The following CHPF variants were observed in gnomAD, a reference collection of about 807,000 sequenced individuals.
CHPF encodes the protein chondroitin polymerizing factor, non-catalytic subunit.
In CHPF, 34 loss-of-function variants were observed where a neutral mutation model predicts 55.1. The ratio of observed to expected loss-of-function variants is 0.62; its 90% CI spans 0.47 to 0.82. CHPF has a LOEUF of 0.82. Among genes scored for constraint, CHPF ranks in the 40% least tolerant of loss-of-function variants. The pLI is 0.00. For synonymous variants in CHPF, 489 were observed against 496.6 expected (o/e 0.98, Z 0.20); for missense variants, 961 against 1,106.1 (o/e 0.87, Z 1.86).
chr2:219,542,396 T>C (rs1695295685), intron 1 of CHPF, among the ~76,000 whole-genome samples: 1 of 152,162 alleles, frequency 6.6e-6, no homozygotes, highest in Non-Finnish European at 1.5e-5. Flanking sequence ...ATTTGGGAGA[T>C]GGCAATACCC....
chr2:219,540,484 T>C lies in CHPF; in HGVS notation c.1227A>G (p.Ser409=). ...EQHAFSCADG[S]PRCPLRGADR... ...CAGCCCCACGCAGTGGGCAGCGGGG[T>C]GAGCCATCGGCGCAGGAGAAAGCGT... is the stretch of plus-strand genomic sequence containing the variant. The change falls in exon 4 of 4, where the codon TCA becomes TCG. Residue 409 remains serine, a synonymous_variant. Coordinates refer to ENST00000243776, the MANE Select transcript of CHPF (RefSeq NM_024536.6). 6.2e-7 allele frequency: 1 copy of C among 1,613,476 alleles called. No individual in the cohort carries two copies. The highest frequency in any genetic ancestry group is 8.5e-7 in the Non-Finnish European group (1 of 1,179,904).
rs1160095268 is a variant in CHPF, at chr2:219,543,258, G to A, written c.281C>T (p.Ala94Val). Residue 94 changes from alanine (A) to valine (V), a missense_variant, in exon 1 of 4, where the codon GCA becomes GTA. Physicochemically the swap from Ala to Val is moderately conservative, Grantham distance 64. Around this residue, in one of 3 missense-constraint regions of CHPF, gnomAD observed 936 missense variants for 1,058.4 expected, o/e 0.88. Coordinates refer to ENST00000243776, the MANE Select transcript of CHPF (RefSeq NM_024536.6). The part of the protein sequence containing the change: ...WEPRVLPYHP[A>V]QPGQAAKKAV... ...CTTTTTGGCGGCCTGGCCGGGCTGT[G>A]CAGGGTGGTAGGGCAAGACGCGCGG... 1.3e-6 allele frequency: 2 copies of A among 1,572,332 alleles called. No individual in the cohort carries two copies. Among genetic ancestry groups the A allele is most frequent in the East Asian group, 2.5e-5 (1 of 40,764 alleles).
rs1249228951 is a variant in CHPF, at chr2:219,543,542, G to T, written c.-4C>A. The T allele has an allele frequency of 1.5e-6, 2 of 1,329,724 alleles. No homozygotes were observed. The highest frequency in any genetic ancestry group is 3.1e-5 in the African/African-American group (2 of 64,882). The allele number at this position is 1,329,724 out of a possible 1,614,324, so 82.4% of individuals were successfully genotyped here. On this transcript the variant is annotated 5_prime_UTR_variant, in exon 1 of 4. Coordinates refer to ENST00000243776, the MANE Select transcript of CHPF (RefSeq NM_024536.6). ...ACAGCAGCAGCGATGCCCGCATGGC[G>T]CCCGGACCGCGGGTCCCCGGCCCCG...
At chr2:219,541,216 G>T in intron 2 of CHPF, 91 bp from the exon 3 acceptor site, 1 of 1,250,366 alleles carries the variant, frequency 8.0e-7, no homozygotes, top group Non-Finnish European at 1.1e-6. Context: ...CCTATGACCT[G>T]TTGTGGACTT....
rs555212430 is a variant in CHPF, at chr2:219,543,693, C to T, written c.-155G>A. On this transcript the variant is annotated 5_prime_UTR_variant, in exon 1 of 4. Transcript: ENST00000243776. ...CGCAGAGCAGAGCCAGCGGCCCGAG[C>T]CGAATCCCCGGAGCCGCGCCTCGAT... 161 of 488,640 alleles carry T rather than the reference C, an allele frequency of 3.3e-4. No homozygotes were observed. Among genetic ancestry groups the T allele is most frequent in the Non-Finnish European group, 5.2e-4 (154 of 298,886 alleles). 30.3% of individuals were successfully genotyped at this position (488,640 alleles called of 1,614,324 possible).
Position 219,543,709 on chromosome 2 carries a change from G to A in CHPF, c.-171C>T, listed in dbSNP as rs1254187516. 4.4e-6 allele frequency: 2 copies of A among 449,552 alleles called. No individual in the cohort carries two copies. The highest frequency in any genetic ancestry group is 3.8e-6 in the Non-Finnish European group (1 of 265,422). The allele number at this position is 449,552 out of a possible 1,614,324, so 27.8% of individuals were successfully genotyped here. A position where few individuals can be genotyped will look rare whatever the true frequency, so the allele number is the denominator to read the frequency against. ...CGGCCCGAGCCGAATCCCCGGAGCCGCGCCTCGATTCCCCTCCAGCAGCTG... is the reference window on the plus strand; with the variant it reads ...CGGCCCGAGCCGAATCCCCGGAGCCACGCCTCGATTCCCCTCCAGCAGCTG... On this transcript the variant is annotated 5_prime_UTR_variant, in exon 1 of 4. Coordinates refer to ENST00000243776, the MANE Select transcript of CHPF (RefSeq NM_024536.6).
chr2:219,543,056 A>T, intron 1 of CHPF, 169 bp downstream of exon 1: 10 of 1,360,106 alleles, frequency 7.4e-6, no homozygotes, highest in Non-Finnish European at 9.4e-6. Flanking sequence ...AAAGTCTCGG[A>T]CTGGCCCCAC....
chr2:219,539,216 G>T lies in CHPF; in HGVS notation c.*167C>A. The T allele has an allele frequency of 1.5e-6, 1 of 659,570 alleles. No individual in the cohort carries two copies. The highest frequency in any genetic ancestry group is 2.5e-6 in the Non-Finnish European group (1 of 394,506). The allele number at this position is 659,570 out of a possible 1,614,324, so 40.9% of individuals were successfully genotyped here. ...TGGCTCTGGGGGCACGTCCCCCAGT[G>T]CTTGTCCAGAGCCCAGGGACCCACA... On this transcript the variant is annotated 3_prime_UTR_variant, in exon 4 of 4. Transcript: ENST00000243776.
chr2:219,541,596 G>A lies in CHPF; in HGVS notation c.888+20C>T, dbSNP rs780357745. The A allele has an allele frequency of 2.6e-6, 4 of 1,530,830 alleles. No homozygotes were observed. The South Asian group carries it at 3.8e-5, about 14-fold the overall frequency. The allele number at this position is 1,530,830 out of a possible 1,614,324, so 94.8% of individuals were successfully genotyped here. ...TTGAACATGACAAGGAGGTATCAGT[G>A]GGATAGCTTATCATCCCACCTCGTG... On this transcript the variant is annotated intron_variant, in intron 2 of 3. Transcript: ENST00000243776.
At position 219,540,288 on chromosome 2, in the gene CHPF, G is replaced by T. The variant is rs538123825; in HGVS notation, c.1423C>A (p.Gln475Lys). The change falls in exon 4 of 4, where the codon CAG (glutamine) becomes AAG (lysine). Residue 475 changes from glutamine to lysine, a missense_variant. Coordinates refer to ENST00000243776, the MANE Select transcript of CHPF (RefSeq NM_024536.6). ...LDLQLEALTP[Q>K]GGRRPLTRRV... ...CGAGTGAGGGGCCGGCGGCCTCCCT[G>T]GGGGGTCAGTGCCTCCAGCTGCAAG... The T allele has an allele frequency of 5.8e-5, 93 of 1,613,832 alleles. No individual in the cohort carries two copies. The East Asian group carries it at 2.0e-3, about 34-fold the overall frequency.
At chr2:219,542,962 G>A in intron 1 of CHPF, 1 of 1,282,832 alleles carries the variant, frequency 7.8e-7, no homozygotes, top group South Asian at 2.6e-5. Context: ...CAGGGAGCTA[G>A]TAGGATCTCT....
chr2:219,540,377 T>C lies in CHPF; in HGVS notation c.1334A>G (p.Lys445Arg), dbSNP rs765355562. 5.0e-6 allele frequency: 8 copies of C among 1,613,918 alleles called. No homozygotes were observed. The highest frequency in any genetic ancestry group is 2.5e-6 in the Non-Finnish European group (3 of 1,180,000). The change falls in exon 4 of 4, where the codon AAG becomes AGG. Residue 445 changes from lysine to arginine, a missense_variant. By Grantham distance (26) the Lys-to-Arg change is conservative. This residue lies in a region of CHPF where 936 missense variants were observed against 1,058.4 expected (regional missense o/e 0.88). Coordinates refer to ENST00000243776, the MANE Select transcript of CHPF (RefSeq NM_024536.6). Reference protein sequence around the residue: ...RRYHPALRLQKQQLVNGYRRF... With the variant: ...RRYHPALRLQRQQLVNGYRRF... Reference sequence around the variant, plus strand: ...TCGGTAGCCATTCACCAGCTGCTGCTTCTGGAGCCGCAAGGCCGGGTGGTA... The same window carrying C: ...TCGGTAGCCATTCACCAGCTGCTGCCTCTGGAGCCGCAAGGCCGGGTGGTA...
chr2:219,543,481 TGCCCAC>T lies in CHPF; in HGVS notation c.52_57del (p.Val18_Gly19del). 7.1e-7 allele frequency: 1 copy of T among 1,412,598 alleles called. No individual in the cohort carries two copies. The highest frequency in any genetic ancestry group is 9.2e-7 in the Non-Finnish European group (1 of 1,089,234). The allele number at this position is 1,412,598 out of a possible 1,614,324, so 87.5% of individuals were successfully genotyped here. A position where few individuals can be genotyped will look rare whatever the true frequency, so the allele number is the denominator to read the frequency against. ...AGGCTCAGGGTGAAGCCCAGGGAGA[TGCCCAC>T]GGCCACGGGCCCTGCGGGCCGCAGC... On this transcript the variant is annotated inframe_deletion, in exon 1 of 4. Transcript: ENST00000243776.
At position 219,541,951 on chromosome 2, in the gene CHPF, G is replaced by A; in HGVS notation, c.553C>T (p.Leu185=). 1 of 1,612,708 alleles carries A rather than the reference G, an allele frequency of 6.2e-7. No individual in the cohort carries two copies. Among genetic ancestry groups the A allele is most frequent in the Non-Finnish European group, 8.5e-7 (1 of 1,179,468 alleles). ...TCAAAGTCGTCGCCGTGCTGCTCCA[G>A]CAGGTGGCGCAGCGCCAGGTGCAGG... ...GHLHLALRHL[L]EQHGDDFDWF... Residue 185 remains leucine, a synonymous_variant, in exon 2 of 4, where the codon CTG becomes TTG. Coordinates refer to ENST00000243776, the MANE Select transcript of CHPF (RefSeq NM_024536.6).
In CHPF at chr2:219,540,600, G is replaced by T; in HGVS notation, c.1111C>A (p.Gln371Lys). 1 of 1,609,434 alleles carries T rather than the reference G, an allele frequency of 6.2e-7. No individual in the cohort carries two copies. The change falls in exon 4 of 4, where the codon CAG (glutamine) becomes AAG (lysine). Residue 371 changes from glutamine to lysine, a missense_variant. Around this residue, in one of 3 missense-constraint regions of CHPF, gnomAD observed 936 missense variants for 1,058.4 expected, o/e 0.88. Transcript: ENST00000243776. ...ATACCCACGGGCCAAGCAGCTGCCT[G>T]GTCCCCATCAACGGCCAGATGGCTG... The part of the protein sequence containing the change: ...NTSHLAVDGD[Q>K]AAAWPVGIPA...
chr2:219,542,406 C>G (rs1445531756), intron 1 of CHPF, among the ~76,000 whole-genome samples: 2 of 152,154 alleles, frequency 1.3e-5, no homozygotes, highest in Non-Finnish European at 2.9e-5. Context: ...TGGCAATACC[C>G]ACCCAGATAG....
At position 219,539,316 on chromosome 2, in the gene CHPF, GCT is replaced by G. The variant is rs1466989283; in HGVS notation, c.*65_*66del. On this transcript the variant is annotated 3_prime_UTR_variant, in exon 4 of 4. Coordinates refer to ENST00000243776, the MANE Select transcript of CHPF (RefSeq NM_024536.6). ...CCCTGCCCAGCGAGGCTGGCAGGTG[GCT>G]CTGGTTTTGGGGGAGAAGTGGGGTG... 11 of 1,465,322 alleles carry G rather than the reference GCT, an allele frequency of 7.5e-6. No homozygotes were observed. The African/African-American group carries it at 1.5e-4, about 21-fold the overall frequency. 90.8% of individuals were successfully genotyped at this position (1,465,322 alleles called of 1,614,324 possible). A position where few individuals can be genotyped will look rare whatever the true frequency, so the allele number is the denominator to read the frequency against.
At position 219,539,721 on chromosome 2, in the gene CHPF, G is replaced by A. The variant is rs776333654; in HGVS notation, c.1990C>T (p.Arg664Cys). 13 of 1,613,400 alleles carry A rather than the reference G, an allele frequency of 8.1e-6. No individual in the cohort carries two copies. Among genetic ancestry groups the A allele is most frequent in the Non-Finnish European group, 1.1e-5 (13 of 1,179,922 alleles). ...PQGPGPPELGRDTGRFDRQAA... is the reference protein window; with the variant it reads ...PQGPGPPELGCDTGRFDRQAA... ...TGGCGATCAAAGCGGCCAGTGTCAC[G>A]GCCCAGCTCTGGGGGCCCAGGCCCT... Residue 664 changes from arginine to cysteine, a missense_variant, in exon 4 of 4, where the codon CGT becomes TGT. Transcript: ENST00000243776.
At position 219,539,070 on chromosome 2, in the gene CHPF, C is replaced by G. The variant is rs1695202681; in HGVS notation, c.*313G>C. ...CCCCAACAACTCTTCTACAGCCCAG[C>G]CCCCAGGGCCCAGAGGCAGGGCTGG... On this transcript the variant is annotated 3_prime_UTR_variant, in exon 4 of 4. Transcript: ENST00000243776. 1 of 324,950 alleles carries G rather than the reference C, an allele frequency of 3.1e-6. No homozygotes were observed. Among genetic ancestry groups the G allele is most frequent in the Non-Finnish European group, 5.6e-6 (1 of 177,270 alleles). 20.1% of individuals were successfully genotyped at this position (324,950 alleles called of 1,614,324 possible). A position where few individuals can be genotyped will look rare whatever the true frequency, so the allele number is the denominator to read the frequency against.
Sources: allele counts gnomAD v4.1 joint callset (sites outside exome capture counted in the v4.1 genomes callset), GRCh38; gene constraint gnomAD v4.1.1; regional missense constraint gnomAD v4.1.1; transcripts MANE v1.5; gene names NCBI Gene and HGNC (gene_info 2026-07-23, HGNC 2026-07-21).